Variants in PKHD1L1 observed in about 807,000 individuals in gnomAD.
The protein encoded by PKHD1L1 is fibrocystin-L.
PKHD1L1 carries 434 observed loss-of-function variants against 462.9 expected under a neutral mutation model. The observed-to-expected ratio is 0.94, with a 90% CI of 0.87 to 1.02. The LOEUF is 1.02. PKHD1L1 is among the 50% of genes least tolerant of loss of function. PKHD1L1 has a pLI of 0.00. For synonymous variants in PKHD1L1, 1,781 were observed against 1,750.0 expected, an observed-to-expected ratio of 1.02 and a Z score of -0.44; for missense variants, 5,202 against 5,096.1, an observed-to-expected ratio of 1.02 and a Z score of -0.63.
chr8:109,486,963 T>G (rs1360024056), intron 59 of PKHD1L1, 142 bp downstream of exon 59: 3 of 796,392 alleles, frequency 3.8e-6, no homozygotes, highest in Non-Finnish European at 5.7e-6. Flanking sequence ...TAGCCCAGTT[T>G]TTACCTTCCA....
chr8:109,398,336 G>C (rs1431032858), intron 11 of PKHD1L1, 123 bp from the exon 12 acceptor site: 1 of 637,960 alleles, frequency 1.6e-6, no homozygotes, highest in Non-Finnish European at 2.9e-6. Context: ...GAAATAAAGA[G>C]CCCTAATTTT....
At chr8:109,445,720 TTTGTAAATAACTATTAAGGTG>T in intron 38 of PKHD1L1, 75 bp downstream of exon 38, 1 of 1,371,332 alleles carries the variant, frequency 7.3e-7, no homozygotes. Context: ...TGGAATGATA[TTTGTAAATAACTATTAAGGTG>T]TGTTTATAAA....
At chr8:109,524,028 T>G (rs1820695532) in intron 76 of PKHD1L1, among the ~76,000 whole-genome samples, 2 of 152,202 alleles carry the variant, frequency 1.3e-5, no homozygotes, top group South Asian at 4.1e-4. Context: ...TTCATATAGG[T>G]TGATGACACA....
chr8:109,442,518 A>C (rs1312198721), intron 35 of PKHD1L1, among the ~76,000 whole-genome samples: 1 of 152,206 alleles, frequency 6.6e-6, no homozygotes, highest in African/African-American at 2.4e-5. Flanking sequence ...GCAAGCGATG[A>C]ACTTTGACTG....
chr8:109,496,856 C>A (rs913590094), intron 63 of PKHD1L1, 63 bp from the exon 64 acceptor site: 6 of 1,482,732 alleles, frequency 4.0e-6, no homozygotes, highest in East Asian at 4.6e-5. Flanking sequence ...ACTGATACTG[C>A]TTATTAAAAC....
chr8:109,469,335 G>A (rs1309596233), intron 50 of PKHD1L1, among the ~76,000 whole-genome samples: 1 of 152,142 alleles, frequency 6.6e-6, no homozygotes, highest in Non-Finnish European at 1.5e-5. Flanking sequence ...CCCAGAGACA[G>A]AGCTGTATGA....
chr8:109,526,822 G>A lies in PKHD1L1; in HGVS notation c.12523G>A (p.Val4175Ile). The A allele has an allele frequency of 6.4e-7, 1 of 1,567,372 alleles. No individual in the cohort carries two copies. Reference sequence around the variant, plus strand: ...GATTGAATTTATACTGGATAATGTTGTTGGGGTAGAATCCAGAACTTTCAG... The same window carrying A: ...GATTGAATTTATACTGGATAATGTTATTGGGGTAGAATCCAGAACTTTCAG... ...YKIEFILDNV[V>I]GVESRTFSLL... The change falls in exon 77 of 78, where the codon GTT becomes ATT. Residue 4175 changes from valine to isoleucine, a missense_variant. Val to Ile is a conservative substitution (Grantham distance 29). Around this residue, in one of 3 missense-constraint regions of PKHD1L1, gnomAD observed 698 missense variants for 736.3 expected, o/e 0.95. Transcript: ENST00000378402.
rs539385898 is a variant in PKHD1L1 at position 109,475,104 on chromosome 8, A to G, written c.8606-14A>G. On this transcript the variant is annotated splice_polypyrimidine_tract_variant and intron_variant, in intron 50 of 77. Transcript: ENST00000378402. ...GAGATTACTATTATTTTCTTGTTCTATGTTCTCCTATAGGCACAAGCATTA... is the reference window on the plus strand; with the variant it reads ...GAGATTACTATTATTTTCTTGTTCTGTGTTCTCCTATAGGCACAAGCATTA... 2.6e-5 allele frequency: 42 copies of G among 1,586,300 alleles called. No homozygotes were observed. The South Asian group carries it at 4.2e-4, about 16-fold the overall frequency.
Position 109,401,489 on chromosome 8 carries a change from C to T in PKHD1L1, c.1282-8C>T, listed in dbSNP as rs796458458. On this transcript the variant is annotated splice_region_variant and splice_polypyrimidine_tract_variant and intron_variant, in intron 13 of 77. Transcript: ENST00000378402. ...CCCTTTTCTCTGTCTCTGTCTCTCT[C>T]GGATTAGGTGAGGATTGCATATCAT... 1.1e-5 allele frequency: 17 copies of T among 1,482,218 alleles called. No individual in the cohort carries two copies. Among genetic ancestry groups the T allele is most frequent in the Non-Finnish European group, 1.5e-5 (16 of 1,066,394 alleles). 91.8% of individuals were successfully genotyped at this position (1,482,218 alleles called of 1,614,324 possible). A position where few individuals can be genotyped will look rare whatever the true frequency, so the allele number is the denominator to read the frequency against.
At chr8:109,508,413 G>C in intron 70 of PKHD1L1, 149 bp downstream of exon 70, 4 of 767,696 alleles carry the variant, frequency 5.2e-6, no homozygotes, top group Non-Finnish European at 6.1e-6. Flanking sequence ...CAATGCGCAG[G>C]GGAGAGACTT....
rs1429519226 is a variant in PKHD1L1, at chr8:109,452,126, A to G, written c.6353A>G (p.Glu2118Gly). Residue 2118 changes from glutamate (E) to glycine (G), a missense_variant and splice_region_variant, in exon 42 of 78, where the codon GAA becomes GGA. By Grantham distance (98) the Glu-to-Gly change is moderately conservative. Around this residue, in one of 3 missense-constraint regions of PKHD1L1, gnomAD observed 4,497 missense variants for 4,336.8 expected, o/e 1.04. Transcript: ENST00000378402. Reference sequence around the variant, plus strand: ...TATGTTTTCCCTCTTTTTTACAGTGAAAATATGGAGGATGTTCATATCACC... The same window carrying G: ...TATGTTTTCCCTCTTTTTTACAGTGGAAATATGGAGGATGTTCATATCACC... ...RLTVVGSGFS[E>G]NMEDVHITIA... The G allele has an allele frequency of 6.2e-7, 1 of 1,608,114 alleles. No homozygotes were observed. The highest frequency in any genetic ancestry group is 8.5e-7 in the Non-Finnish European group (1 of 1,177,480).
At chr8:109,438,772 C>A in intron 31 of PKHD1L1, 125 bp from the exon 32 acceptor site, 2 of 821,056 alleles carry the variant, frequency 2.4e-6, no homozygotes, top group Non-Finnish European at 3.6e-6. Context: ...TTTTGCCTCT[C>A]AAAGTGTTAG....
intron 23 of PKHD1L1, among the ~76,000 whole-genome samples, chr8:109,420,894 A>T (rs892662881): frequency 6.6e-6 from 1 of 152,156 alleles, no homozygotes; most frequent in African/African-American, 2.4e-5. Context: ...AAACAGGGAG[A>T]AATATCCTTA....
intron 76 of PKHD1L1, among the ~76,000 whole-genome samples, chr8:109,525,117 C>CA (rs547832361): frequency 8.9e-4 from 136 of 152,178 alleles, no homozygotes; most frequent in Non-Finnish European, 1.7e-3. Flanking sequence ...TTAACCCCCA[C>CA]AGTCACTGCA....
At chr8:109,438,583 G>C (rs1419209542) in intron 31 of PKHD1L1, 127 bp downstream of exon 31, 2 of 802,062 alleles carry the variant, frequency 2.5e-6, no homozygotes, top group Non-Finnish European at 3.8e-6. Flanking sequence ...AGTGTTATGT[G>C]TGTGTATGTT....
intron 71 of PKHD1L1, among the ~76,000 whole-genome samples, chr8:109,514,915 T>C (rs888197265): frequency 2.0e-5 from 3 of 152,146 alleles, no homozygotes; most frequent in Non-Finnish European, 2.9e-5. Context: ...TTCTTTAAAC[T>C]CAGAGATACT....
At chr8:109,418,722 T>C (rs1207088276) in intron 21 of PKHD1L1, among the ~76,000 whole-genome samples, 1 of 152,238 alleles carries the variant, frequency 6.6e-6, no homozygotes, top group Non-Finnish European at 1.5e-5. Context: ...TACTGTTCTA[T>C]GCCTGGTATT....
Position 109,377,404 on chromosome 8 carries a change from C to T in PKHD1L1, c.164-3966C>T, listed in dbSNP as rs137859298. Reference sequence around the variant, plus strand: ...TTATTGTATTATGGGATAATATGGTCTGTAGGTAATTAAATTCTGAAATTT... The same window carrying T: ...TTATTGTATTATGGGATAATATGGTTTGTAGGTAATTAAATTCTGAAATTT... On this transcript the variant is annotated intron_variant, in intron 2 of 77. Transcript: ENST00000378402. Among the ~76,000 whole-genome samples, 683 of 152,052 alleles carry T rather than the reference C, an allele frequency of 4.5e-3. 6 individuals are homozygous for T. The highest frequency in any genetic ancestry group is 0.015 in the African/African-American group (637 of 41,500).
rs1817101570 is a variant in PKHD1L1 at position 109,461,174 on chromosome 8, C to T, written c.7247-598C>T. 2.0e-5 allele frequency among the ~76,000 whole-genome samples: 3 copies of T among 152,128 alleles called. No individual in the cohort carries two copies. The South Asian group carries it at 6.2e-4, about 32-fold the overall frequency. On this transcript the variant is annotated intron_variant, in intron 47 of 77. Transcript: ENST00000378402. Reference sequence around the variant, plus strand: ...TGTAATCATTCATATCATTACAATACTATAAGTAGTTGAACAATAACTGAT... The same window carrying T: ...TGTAATCATTCATATCATTACAATATTATAAGTAGTTGAACAATAACTGAT...
Sources: gnomAD v4.1 joint callset for allele counts (sites outside exome capture counted in the v4.1 genomes callset) on GRCh38, gnomAD v4.1.1 for gene constraint, gnomAD v4.1.1 regional missense constraint, MANE v1.5 for transcripts, NCBI Gene and HGNC (gene_info 2026-07-23, HGNC 2026-07-21) for gene names.